The following TOX variants were observed in gnomAD, a reference collection of about 807,000 sequenced individuals.
TOX encodes thymocyte selection-associated high mobility group box protein TOX.
Under a neutral mutation model 53.7 loss-of-function variants are expected in TOX, and 11 were observed. The observed-to-expected ratio is 0.20, with a 90% CI of 0.13 to 0.34. TOX has a LOEUF of 0.34. Among genes scored for constraint, TOX ranks in the 10% least tolerant of loss-of-function variants. TOX has a pLI of 1.00. For synonymous variants in TOX, 225 were observed against 245.3 expected, an observed-to-expected ratio of 0.92 and a Z score of 0.77; for missense variants, 570 against 664.6, an observed-to-expected ratio of 0.86 and a Z score of 1.56.
chr8:58,817,776 T>A (rs1183658904), intron 6 of TOX, among the ~76,000 whole-genome samples: 1 of 152,206 alleles, frequency 6.6e-6, no homozygotes, highest in Non-Finnish European at 1.5e-5. Flanking sequence ...TTTTTTGCTT[T>A]ATAGGTGTTG....
At chr8:58,847,444 T>C (rs570390501) in intron 4 of TOX, among the ~76,000 whole-genome samples, 1 of 152,156 alleles carries the variant, frequency 6.6e-6, no homozygotes, top group African/African-American at 2.4e-5. Flanking sequence ...AGATTAGGTA[T>C]AGCTGAAAAG....
chr8:58,921,604 C>T (rs1585901788), intron 3 of TOX, among the ~76,000 whole-genome samples: 1 of 152,280 alleles, frequency 6.6e-6, no homozygotes, highest in East Asian at 1.9e-4. Context: ...CTTTCCCTAA[C>T]TAGATTCCTA....
At chr8:59,002,658 A>G (rs911455416) in intron 1 of TOX, among the ~76,000 whole-genome samples, 2 of 152,150 alleles carry the variant, frequency 1.3e-5, no homozygotes, top group Non-Finnish European at 2.9e-5. Flanking sequence ...ACAACATTGT[A>G]AAAGACCTTC....
chr8:59,064,444 G>T (rs1804050859), intron 1 of TOX, among the ~76,000 whole-genome samples: 1 of 152,148 alleles, frequency 6.6e-6, no homozygotes, highest in Non-Finnish European at 1.5e-5. Context: ...CTTAACTCTG[G>T]ATAAAACTGC....
intron 1 of TOX, among the ~76,000 whole-genome samples, chr8:58,978,823 C>T (rs1813152558): frequency 6.6e-6 from 1 of 152,198 alleles, no homozygotes; most frequent in African/African-American, 2.4e-5. Flanking sequence ...TGTACAATGA[C>T]ATGTATCCAC....
intron 1 of TOX, among the ~76,000 whole-genome samples, chr8:59,108,535 C>T (rs942654905): frequency 1.3e-5 from 2 of 152,108 alleles, no homozygotes; most frequent in African/African-American, 4.8e-5. Flanking sequence ...TTATGTGCTG[C>T]ACAAATAGAA....
Position 59,042,136 on chromosome 8 carries a change from G to A in TOX, c.102+76750C>T, listed in dbSNP as rs538541938. 2.6e-5 allele frequency among the ~76,000 whole-genome samples: 4 copies of A among 152,160 alleles called. No homozygotes were observed. In the South Asian group the frequency reaches 6.2e-4, roughly 24 times the overall value. ...GTCCAAGTATTAAAGCATTCTGATC[G>A]CTACATAGTAAAGGGTTACGAGCCA... On this transcript the variant is annotated intron_variant, in intron 1 of 8. Transcript: ENST00000361421.
intron 1 of TOX, among the ~76,000 whole-genome samples, chr8:59,042,611 A>G (rs892055888): frequency 2.6e-5 from 4 of 152,200 alleles, no homozygotes; most frequent in Non-Finnish European, 4.4e-5. Flanking sequence ...AGTTCTTATA[A>G]CATAGCTTGT....
intron 1 of TOX, among the ~76,000 whole-genome samples, chr8:59,041,784 G>A (rs1479180193): frequency 6.6e-6 from 1 of 152,124 alleles, no homozygotes; most frequent in Non-Finnish European, 1.5e-5. Flanking sequence ...GTTAATTTAG[G>A]CAAGTCGATG....
rs935621 is a variant in TOX at position 58,851,187 on chromosome 8, A to T, written c.693+337T>A. ...CTCTCTCTCTCTCTCTCTCTCTCTC[A>T]CACACACACACACACACACACACAC... On this transcript the variant is annotated intron_variant, in intron 4 of 8. Coordinates refer to ENST00000361421, the MANE Select transcript of TOX (RefSeq NM_014729.3). This position sits in a 1 kb window ranked among gnomAD's most constrained non-coding sequence, Gnocchi z 4.4. Among the ~76,000 whole-genome samples, 50,716 of 124,840 alleles carry T rather than the reference A, an allele frequency of 0.41. 10,048 individuals carry two copies. Among genetic ancestry groups the T allele is most frequent in the African/African-American group, 0.62 (18,314 of 29,730 alleles). The allele number at this position is 124,840 out of a possible 152,430, so 81.9% of individuals were successfully genotyped here. A position where few individuals can be genotyped will look rare whatever the true frequency, so the allele number is the denominator to read the frequency against.
chr8:58,921,932 C>A (rs559835489), intron 3 of TOX, among the ~76,000 whole-genome samples: 1 of 152,180 alleles, frequency 6.6e-6, no homozygotes, highest in Non-Finnish European at 1.5e-5. Flanking sequence ...CTATTACCTA[C>A]GGACTCCTAG....
chr8:59,074,004 T>C (rs1804248135), intron 1 of TOX, among the ~76,000 whole-genome samples: 1 of 152,200 alleles, frequency 6.6e-6, no homozygotes, highest in African/African-American at 2.4e-5. Context: ...GCTTGCATTG[T>C]CCAGATAATA....
rs2129425458 is a variant in TOX, at chr8:59,118,653, G to C, written c.102+233C>G. ...ATCCTTAGCCGCGAACAGCAGGAAG[G>C]AAAGAATCCGAGCAAATCGTGTCAC... is the stretch of plus-strand genomic sequence containing the variant. On this transcript the variant is annotated intron_variant, in intron 1 of 8. Coordinates refer to ENST00000361421, the MANE Select transcript of TOX (RefSeq NM_014729.3). This position sits in a 1 kb window ranked among gnomAD's most constrained non-coding sequence, Gnocchi z 4.1. Among the ~76,000 whole-genome samples, 1 of 152,310 alleles carries C rather than the reference G, an allele frequency of 6.6e-6. No homozygotes were observed.
At chr8:58,882,321 G>A (rs1811396961) in intron 3 of TOX, among the ~76,000 whole-genome samples, 1 of 152,156 alleles carries the variant, frequency 6.6e-6, no homozygotes, top group Non-Finnish European at 1.5e-5. Flanking sequence ...CTGGCTTCAC[G>A]ATGACTTTAT....
intron 2 of TOX, among the ~76,000 whole-genome samples, chr8:58,942,053 C>CA (rs35861451): frequency 0.019 from 2,068 of 106,208 alleles, 42 homozygotes; most frequent in African/African-American, 0.049. Context: ...GACTCTGTCT[C>CA]AAAAAAAAAA....
intron 7 of TOX, among the ~76,000 whole-genome samples, chr8:58,813,125 A>T (rs1017284631): frequency 1.3e-5 from 2 of 152,238 alleles, no homozygotes; most frequent in South Asian, 4.1e-4. Context: ...AACTTGTCCA[A>T]TGTAATCTGT....
intron 1 of TOX, among the ~76,000 whole-genome samples, chr8:59,044,173 T>C (rs1803644487): frequency 6.7e-6 from 1 of 148,472 alleles, no homozygotes; most frequent in African/African-American, 2.5e-5. Flanking sequence ...GCTATGGTGG[T>C]ATCCTTAAAG....
chr8:58,828,664 C>G (rs1011914640), intron 5 of TOX, among the ~76,000 whole-genome samples: 1 of 151,832 alleles, frequency 6.6e-6, no homozygotes, highest in African/African-American at 2.4e-5. Context: ...CTGTGTATAT[C>G]GTAAGCCTTG....
At chr8:58,954,343 T>G (rs1182085883) in intron 2 of TOX, among the ~76,000 whole-genome samples, 2 of 152,226 alleles carry the variant, frequency 1.3e-5, no homozygotes, top group Non-Finnish European at 2.9e-5. Flanking sequence ...TGGAAGACTC[T>G]AAGTATTCAT....
Sources: gnomAD v4.1 joint callset for allele counts (sites outside exome capture counted in the v4.1 genomes callset) on GRCh38, gnomAD v4.1.1 for gene constraint, Gnocchi (gnomAD v3.1) non-coding constraint, MANE v1.5 for transcripts, NCBI Gene and HGNC (gene_info 2026-07-23, HGNC 2026-07-21) for gene names.